Variants in ANKRD36 observed in about 807,000 individuals in gnomAD.
ANKRD36 encodes the protein ankyrin repeat domain-containing protein 36A.
A neutral mutation model predicts 278.1 loss-of-function variants in ANKRD36; 179 were observed. That is an observed-to-expected ratio of 0.64 (90% CI 0.57 to 0.73). The LOEUF is 0.73. Among genes scored for constraint, ANKRD36 ranks in the 30% least tolerant of loss-of-function variants. The pLI, the probability that ANKRD36 is intolerant of heterozygous loss-of-function variation, is 0.00. For synonymous variants in ANKRD36, 320 were observed against 641.1 expected, an observed-to-expected ratio of 0.50 and a Z score of 7.57; for missense variants, 1,159 against 1,956.7, an observed-to-expected ratio of 0.59 and a Z score of 7.69.
intron 27 of ANKRD36, 23 bp downstream of exon 27, chr2:97,183,510 T>G: frequency 6.4e-7 from 1 of 1,556,712 alleles, no homozygotes; most frequent in Non-Finnish European, 8.7e-7. Flanking sequence ...TCATTTATAT[T>G]TTGAATTATT....
intron 22 of ANKRD36, among the ~76,000 whole-genome samples, chr2:97,178,270 A>C (rs201376205): frequency 5.3e-5 from 8 of 152,036 alleles, no homozygotes; most frequent in Middle Eastern, 3.4e-3. Flanking sequence ...GTCAGTGTGG[A>C]GATTCCTCAG....
chr2:97,183,021 G>GT (rs1425745740), intron 26 of ANKRD36, among the ~76,000 whole-genome samples: 2 of 151,662 alleles, frequency 1.3e-5, no homozygotes, highest in African/African-American at 2.4e-5. Flanking sequence ...TACCAGGCAA[G>GT]TTAAAAGAGC....
In ANKRD36 at chr2:97,209,664, T is replaced by C. The variant is rs2153622832; in HGVS notation, c.3266-17T>C. ...ATATTTACATGTGAGTGATTATGTA[T>C]CCCTTTTGCTTTTCAGTGTCTTCTC... On this transcript the variant is annotated splice_polypyrimidine_tract_variant and intron_variant, in intron 54 of 75. Coordinates refer to ENST00000420699, the MANE Select transcript of ANKRD36 (RefSeq NM_001354587.1). 6.3e-7 allele frequency: 1 copy of C among 1,584,688 alleles called. No homozygotes were observed. Among genetic ancestry groups the C allele is most frequent in the East Asian group, 2.3e-5 (1 of 44,032 alleles).
rs546188562 is a variant in ANKRD36, at chr2:97,243,925, A to G, written c.4387A>G (p.Thr1463Ala). ...AAAAGTTAGGGAAAAGTTAAGAATA[A>G]CAGAAGAGCAATATAGGATAGAAGC... ...HQKVREKLRI[T>A]EEQYRIEADV... Residue 1463 changes from threonine to alanine, a missense_variant, in exon 70 of 76, where the codon ACA becomes GCA. Coordinates refer to ENST00000420699, the MANE Select transcript of ANKRD36 (RefSeq NM_001354587.1). 6.8e-5 allele frequency: 109 copies of G among 1,605,096 alleles called. 14 individuals carry two copies. The East Asian group carries it at 2.4e-3, about 36-fold the overall frequency.
chr2:97,199,867 C>G (rs564156735), intron 44 of ANKRD36, among the ~76,000 whole-genome samples: 1 of 151,866 alleles, frequency 6.6e-6, no homozygotes, highest in Admixed American at 6.6e-5. Flanking sequence ...GGAGTGTCAT[C>G]GTAATTGTGT....
intron 17 of ANKRD36, among the ~76,000 whole-genome samples, chr2:97,161,533 A>G (rs2153489485): frequency 6.6e-6 from 1 of 152,264 alleles, no homozygotes; most frequent in East Asian, 1.9e-4. Context: ...TTTCTTAAAC[A>G]TGTTTACTTT....
At chr2:97,137,025 G>A (rs528193474) in intron 6 of ANKRD36, among the ~76,000 whole-genome samples, 2 of 152,180 alleles carry the variant, frequency 1.3e-5, no homozygotes, top group African/African-American at 4.8e-5. Flanking sequence ...AATAATTTTA[G>A]TGTAGCCTCC....
At chr2:97,209,636 A>C in intron 54 of ANKRD36, 45 bp from the exon 55 acceptor site, 1 of 1,580,252 alleles carries the variant, frequency 6.3e-7, no homozygotes. Context: ...GGATAACTTT[A>C]TCATATTTAC....
chr2:97,133,716 TTAGTAA>T lies in ANKRD36; in HGVS notation c.799+6586_799+6591del, dbSNP rs2040747906. 3.3e-5 allele frequency among the ~76,000 whole-genome samples: 5 copies of T among 152,170 alleles called. No individual in the cohort carries two copies. In the South Asian group the frequency reaches 1.0e-3, roughly 32 times the overall value. ...TAATATATGTTAATATAGCAATATA[TTAGTAA>T]TAGAAGATTCAGTGAAAATCTTTTT... is the stretch of plus-strand genomic sequence containing the variant. On this transcript the variant is annotated intron_variant, in intron 6 of 75. Coordinates refer to ENST00000420699, the MANE Select transcript of ANKRD36 (RefSeq NM_001354587.1).
At chr2:97,163,703 G>A (rs190899741) in intron 18 of ANKRD36, 5 of 178,442 alleles carry the variant, frequency 2.8e-5, no homozygotes, top group Admixed American at 2.5e-4. Context: ...AGCCTCCTGA[G>A]TAGCTGGTAC....
chr2:97,138,331 T>C (rs564624574), intron 6 of ANKRD36, among the ~76,000 whole-genome samples: 2 of 152,194 alleles, frequency 1.3e-5, no homozygotes, highest in South Asian at 4.2e-4. Flanking sequence ...TGAACTCCCA[T>C]ACACAATTGC....
chr2:97,224,157 G>A (rs1452938041), intron 66 of ANKRD36, among the ~76,000 whole-genome samples: 2 of 151,290 alleles, frequency 1.3e-5, no homozygotes, highest in Non-Finnish European at 2.9e-5. Flanking sequence ...CTATTGTGAA[G>A]TAAAGAACAG....
intron 66 of ANKRD36, among the ~76,000 whole-genome samples, chr2:97,220,375 A>T (rs9631083): frequency 0.11 from 15,249 of 136,496 alleles, 1,948 homozygotes; most frequent in African/African-American, 0.38. Context: ...AAGCATCCTC[A>T]TTTCCTACCA....
chr2:97,203,887 C>G (rs1209410009), intron 48 of ANKRD36, among the ~76,000 whole-genome samples, 181 bp from the exon 49 acceptor site: 1 of 151,806 alleles, frequency 6.6e-6, no homozygotes, highest in African/African-American at 2.4e-5. Flanking sequence ...TTTCATGGAG[C>G]CTGTATTGCT....
intron 54 of ANKRD36, among the ~76,000 whole-genome samples, chr2:97,209,402 T>C (rs2153621633): frequency 6.8e-6 from 1 of 146,852 alleles, no homozygotes; most frequent in Non-Finnish European, 1.5e-5. Flanking sequence ...TCCTCATCAC[T>C]CGGCATATCC....
At chr2:97,237,183 C>T (rs1292627266) in intron 68 of ANKRD36, among the ~76,000 whole-genome samples, 3 of 151,294 alleles carry the variant, frequency 2.0e-5, no homozygotes, top group African/African-American at 7.3e-5. Flanking sequence ...ATTTTTTAGA[C>T]CAGTTTTATG....
At chr2:97,116,096 T>C (rs1177463637) in intron 1 of ANKRD36, among the ~76,000 whole-genome samples, 3 of 152,124 alleles carry the variant, frequency 2.0e-5, no homozygotes, top group Non-Finnish European at 4.4e-5. Flanking sequence ...ACATTTCTTC[T>C]TTTCTGGCAG....
At chr2:97,227,019 G>T (rs2069969262) in intron 67 of ANKRD36, among the ~76,000 whole-genome samples, 1 of 152,100 alleles carries the variant, frequency 6.6e-6, no homozygotes, top group Non-Finnish European at 1.5e-5. Flanking sequence ...TGCTGTTTTG[G>T]TTACTGTAGC....
intron 32 of ANKRD36, 51 bp downstream of exon 32, chr2:97,187,452 ACTT>A: frequency 9.5e-7 from 1 of 1,054,574 alleles, no homozygotes; most frequent in Non-Finnish European, 1.2e-6. Flanking sequence ...ATAGAAAAGA[ACTT>A]CTCTACCCCT....
Sources: gnomAD v4.1 joint callset for allele counts (sites outside exome capture counted in the v4.1 genomes callset) on GRCh38, gnomAD v4.1.1 for gene constraint, MANE v1.5 for transcripts, NCBI Gene and HGNC (gene_info 2026-07-23, HGNC 2026-07-21) for gene names.